The following WDR25 variants were observed in gnomAD, a reference collection of about 807,000 sequenced individuals.
WDR25 encodes the protein WD repeat domain 25.
Under a neutral mutation model 47.7 loss-of-function variants are expected in WDR25, and 35 were observed. The ratio of observed to expected loss-of-function variants is 0.73; its 90% confidence interval spans 0.56 to 0.97. WDR25 has a LOEUF of 0.97. Among genes scored for constraint, WDR25 ranks in the 50% least tolerant of loss-of-function variants. The probability of loss-of-function intolerance (pLI) is 0.00; values close to 1 mark genes in which losing one functional copy is unlikely to be tolerated. For synonymous variants in WDR25, 248 were observed against 278.9 expected (o/e 0.89, Z 1.10); for missense variants, 634 against 704.7 (o/e 0.90, Z 1.14).
At chr14:100,501,481 T>A (rs1228359457) in intron 4 of WDR25, among the ~76,000 whole-genome samples, 3 of 152,200 alleles carry the variant, frequency 2.0e-5, no homozygotes, top group African/African-American at 7.2e-5. Context: ...GCCTGTGCTT[T>A]CGGCTGAAGA....
chr14:100,514,830 G>A (rs1194080711), intron 4 of WDR25, among the ~76,000 whole-genome samples: 4 of 151,988 alleles, frequency 2.6e-5, no homozygotes, highest in Non-Finnish European at 4.4e-5. Flanking sequence ...TGTAAATTTA[G>A]ATCTGGTATC....
chr14:100,524,188 G>A (rs1209685043), intron 4 of WDR25, among the ~76,000 whole-genome samples: 3 of 152,076 alleles, frequency 2.0e-5, no homozygotes, highest in Admixed American at 6.5e-5. Flanking sequence ...TGTGTTGGCA[G>A]GGGCATGTAG....
chr14:100,408,644 T>C (rs1276869779), intron 2 of WDR25, among the ~76,000 whole-genome samples: 1 of 152,158 alleles, frequency 6.6e-6, no homozygotes, highest in Non-Finnish European at 1.5e-5. Flanking sequence ...GCCACGCAAG[T>C]GTTTGGTGAC....
chr14:100,489,702 A>G (rs1409524179), intron 4 of WDR25, among the ~76,000 whole-genome samples: 2 of 152,016 alleles, frequency 1.3e-5, no homozygotes, highest in Non-Finnish European at 2.9e-5. Flanking sequence ...CTCTCTTTCT[A>G]TGTGCAGGGT....
rs1898953545 is a variant in WDR25 at position 100,449,493 on chromosome 14, AG to A, written c.823-18526del. ...GCTGGCTGTTGCATTGGGGTGGGAG[AG>A]GCTGTCTCAGCTGGGTCTCTGGAAA... On this transcript the variant is annotated intron_variant, in intron 2 of 6. Coordinates refer to ENST00000402312, the MANE Select transcript of WDR25 (RefSeq NM_001161476.3). This position sits in a 1 kb window ranked among gnomAD's most constrained non-coding sequence, Gnocchi z 4.2. 6.6e-6 allele frequency among the ~76,000 whole-genome samples: 1 copy of A among 152,062 alleles called. No individual in the cohort carries two copies. Among genetic ancestry groups the A allele is most frequent in the Non-Finnish European group, 1.5e-5 (1 of 68,010 alleles).
intron 2 of WDR25, among the ~76,000 whole-genome samples, chr14:100,427,554 G>A (rs1312464399): frequency 1.3e-5 from 2 of 152,190 alleles, no homozygotes; most frequent in African/African-American, 2.4e-5. Flanking sequence ...GGCCTTGGAG[G>A]CCACCAGTGT....
At chr14:100,433,484 T>C (rs949731179) in intron 2 of WDR25, among the ~76,000 whole-genome samples, 3 of 152,242 alleles carry the variant, frequency 2.0e-5, no homozygotes, top group Admixed American at 1.3e-4. Flanking sequence ...TATTTTGCCT[T>C]TTGCAATTAA....
At chr14:100,469,819 G>A (rs1341291234) in intron 3 of WDR25, among the ~76,000 whole-genome samples, 3 of 152,194 alleles carry the variant, frequency 2.0e-5, no homozygotes, top group Non-Finnish European at 4.4e-5. Context: ...CTGGCCAGGG[G>A]CACAAACCAG....
intron 2 of WDR25, among the ~76,000 whole-genome samples, chr14:100,459,392 C>T (rs1224475208): frequency 6.6e-6 from 1 of 152,036 alleles, no homozygotes; most frequent in Non-Finnish European, 1.5e-5. Context: ...AAAAACCTTC[C>T]CACAAAGAAA....
intron 2 of WDR25, among the ~76,000 whole-genome samples, chr14:100,458,145 A>T (rs1389419921): frequency 6.6e-6 from 1 of 152,196 alleles, no homozygotes; most frequent in African/African-American, 2.4e-5. Context: ...CAGTGCCTAT[A>T]AGAAACCCAC....
At chr14:100,496,394 A>C (rs941086745) in intron 4 of WDR25, among the ~76,000 whole-genome samples, 1 of 152,158 alleles carries the variant, frequency 6.6e-6, no homozygotes, top group Non-Finnish European at 1.5e-5. Context: ...CTTTTTACTC[A>C]GTCATTGTGA....
chr14:100,509,690 C>T (rs1351615711), intron 4 of WDR25, among the ~76,000 whole-genome samples: 1 of 152,114 alleles, frequency 6.6e-6, no homozygotes, highest in Non-Finnish European at 1.5e-5. Flanking sequence ...ATAATGCATC[C>T]ATTACCTTCA....
intron 1 of WDR25, among the ~76,000 whole-genome samples, chr14:100,378,677 G>GA (rs1566878593): frequency 8.1e-5 from 7 of 86,484 alleles, no homozygotes; most frequent in African/African-American, 1.9e-4. Context: ...GTTCCAGGCA[G>GA]GCCGGGCGCG....
chr14:100,464,760 CATCT>C (rs1899557118), intron 2 of WDR25, among the ~76,000 whole-genome samples: 1 of 44,826 alleles, frequency 2.2e-5, no homozygotes, highest in Non-Finnish European at 4.2e-5. Context: ...CATCTCATCT[CATCT>C]CATCTCATCT....
intron 2 of WDR25, among the ~76,000 whole-genome samples, chr14:100,412,077 G>C (rs555737190): frequency 4.6e-5 from 7 of 151,980 alleles, no homozygotes; most frequent in African/African-American, 9.7e-5. Flanking sequence ...TGTGGTTGTG[G>C]GCTCCTGTAG....
chr14:100,381,196 GC>G lies in WDR25; in HGVS notation c.276del (p.Ser93AlafsTer45). 6.2e-7 allele frequency: 1 copy of G among 1,614,148 alleles called. No homozygotes were observed. Among genetic ancestry groups the G allele is most frequent in the Admixed American group, 1.7e-5 (1 of 60,032 alleles). On this transcript the variant is annotated frameshift_variant, in exon 2 of 7. Coordinates refer to ENST00000402312, the MANE Select transcript of WDR25 (RefSeq NM_001161476.3). LOFTEE classifies it high-confidence loss of function. ...AQLGRSDWGS[C>X]PSQRLQWPGK... ...CTTGGGAGAAGCGATTGGGGATCTT[GC>G]CCCAGCCAGAGGCTACAGTGGCCCG...
intron 2 of WDR25, among the ~76,000 whole-genome samples, chr14:100,416,493 G>C (rs573924731): frequency 6.6e-6 from 1 of 152,282 alleles, no homozygotes; most frequent in South Asian, 2.1e-4. Flanking sequence ...ACTGCCTGCT[G>C]TGTGCCTTGA....
chr14:100,485,065 C>G (rs1900337207), intron 4 of WDR25, among the ~76,000 whole-genome samples: 1 of 152,174 alleles, frequency 6.6e-6, no homozygotes, highest in Non-Finnish European at 1.5e-5. Flanking sequence ...CAGTGCCAGC[C>G]CCACTAGGCT....
intron 2 of WDR25, among the ~76,000 whole-genome samples, chr14:100,389,904 G>A (rs542006714): frequency 1.2e-4 from 18 of 152,308 alleles, no homozygotes; most frequent in African/African-American, 4.1e-4. Context: ...TGGGGCTGCT[G>A]CTGCTGAAGG....
Sources: gnomAD v4.1 joint callset for allele counts (sites outside exome capture counted in the v4.1 genomes callset) on GRCh38, gnomAD v4.1.1 for gene constraint, Gnocchi (gnomAD v3.1) non-coding constraint, MANE v1.5 for transcripts, NCBI Gene and HGNC (gene_info 2026-07-23, HGNC 2026-07-21) for gene names.